Variants in KCNH8 observed in about 807,000 individuals in gnomAD.
The protein encoded by KCNH8 is voltage-gated delayed rectifier potassium channel KCNH8.
A neutral mutation model predicts 103.6 loss-of-function variants in KCNH8; 70 were observed. The observed-to-expected ratio is 0.68, with a 90% CI of 0.56 to 0.82. KCNH8 has a LOEUF of 0.82. Among genes scored for constraint, KCNH8 ranks in the 40% least tolerant of loss-of-function variants. The pLI is 0.00. For missense variants in KCNH8, 1,217 were observed against 1,329.9 expected (o/e 0.92, Z 1.32); for synonymous variants, 498 against 489.4 (o/e 1.02, Z -0.23).
chr3:19,361,304 C>T (rs1178827951), intron 5 of KCNH8, among the ~76,000 whole-genome samples: 1 of 152,080 alleles, frequency 6.6e-6, no homozygotes, highest in Non-Finnish European at 1.5e-5. Flanking sequence ...GGAGATCCCA[C>T]ATTTTTCTGC....
At chr3:19,259,975 G>A (rs76425966) in intron 2 of KCNH8, among the ~76,000 whole-genome samples, 42 of 151,836 alleles carry the variant, frequency 2.8e-4, no homozygotes, top group African/African-American at 1.0e-3. Flanking sequence ...AGGGAGGGCT[G>A]AAGAGGCTTC....
intron 11 of KCNH8, among the ~76,000 whole-genome samples, chr3:19,497,498 C>T (rs1015100044): frequency 2.6e-5 from 4 of 151,764 alleles, no homozygotes; most frequent in East Asian, 1.9e-4. Flanking sequence ...AGTTTATTTA[C>T]GTAAAACTCA....
At chr3:19,435,857 CAA>C (rs1310383686) in intron 7 of KCNH8, among the ~76,000 whole-genome samples, 1 of 152,086 alleles carries the variant, frequency 6.6e-6, no homozygotes, top group African/African-American at 2.4e-5. Context: ...TAACATAAAT[CAA>C]AGTTTTTAGG....
intron 8 of KCNH8, among the ~76,000 whole-genome samples, chr3:19,440,106 T>C (rs1575069150): frequency 6.6e-6 from 1 of 152,164 alleles, no homozygotes; most frequent in East Asian, 1.9e-4. Context: ...AACCAACATA[T>C]GTATATTGCT....
In KCNH8 at chr3:19,243,748, T is replaced by A. The variant is rs553880510; in HGVS notation, c.77-9906T>A. 2.6e-5 allele frequency among the ~76,000 whole-genome samples: 4 copies of A among 152,216 alleles called. No homozygotes were observed. In the South Asian group the frequency reaches 8.3e-4, roughly 32 times the overall value. On this transcript the variant is annotated intron_variant, in intron 1 of 15. Coordinates refer to ENST00000328405, the MANE Select transcript of KCNH8 (RefSeq NM_144633.3). ...GACTAAAACATGACTGAATTAACCA[T>A]TTTTTTCCTCAAATCTTCATGTATG...
At chr3:19,320,551 G>A (rs9836707) in intron 3 of KCNH8, among the ~76,000 whole-genome samples, 37,269 of 151,692 alleles carry the variant, frequency 0.25, 4,993 homozygotes, top group African/African-American at 0.32. Context: ...GTGGATTATC[G>A]TTTTGATATG....
At chr3:19,381,356 G>A (rs908370027) in intron 5 of KCNH8, among the ~76,000 whole-genome samples, 1 of 152,138 alleles carries the variant, frequency 6.6e-6, no homozygotes, top group African/African-American at 2.4e-5. Flanking sequence ...TGTAAATCTT[G>A]ACTCTTGCAT....
At chr3:19,150,145 T>G (rs2063114400) in intron 1 of KCNH8, among the ~76,000 whole-genome samples, 1 of 152,218 alleles carries the variant, frequency 6.6e-6, no homozygotes, top group Non-Finnish European at 1.5e-5. Flanking sequence ...TTAGATGTTA[T>G]GTATGAGGTG....
intron 10 of KCNH8, among the ~76,000 whole-genome samples, chr3:19,452,534 G>A (rs2067464873): frequency 6.6e-6 from 1 of 152,182 alleles, no homozygotes; most frequent in Non-Finnish European, 1.5e-5. Context: ...AAACTGAAGT[G>A]GAAGATATAA....
At chr3:19,525,496 G>A (rs1428897150) in intron 15 of KCNH8, among the ~76,000 whole-genome samples, 1 of 151,846 alleles carries the variant, frequency 6.6e-6, no homozygotes, top group African/African-American at 2.4e-5. Flanking sequence ...TAGCCAGACA[G>A]CAATTTGAAT....
chr3:19,351,156 G>A (rs1297946764), intron 5 of KCNH8, among the ~76,000 whole-genome samples: 1 of 152,018 alleles, frequency 6.6e-6, no homozygotes, highest in African/African-American at 2.4e-5. Flanking sequence ...TCAGATGAAT[G>A]AAATGAAGCA....
intron 3 of KCNH8, among the ~76,000 whole-genome samples, chr3:19,317,777 CT>C (rs1474183452): frequency 6.6e-6 from 1 of 151,742 alleles, no homozygotes; most frequent in African/African-American, 2.4e-5. Flanking sequence ...GTTCAACATC[CT>C]TTCATGTTAA....
At chr3:19,225,991 C>A (rs997977068) in intron 1 of KCNH8, among the ~76,000 whole-genome samples, 7 of 152,136 alleles carry the variant, frequency 4.6e-5, no homozygotes, top group African/African-American at 1.7e-4. Flanking sequence ...ATTAGCAATG[C>A]ACATTGTTAG....
At chr3:19,483,082 A>T (rs1182051877) in intron 11 of KCNH8, among the ~76,000 whole-genome samples, 3 of 151,842 alleles carry the variant, frequency 2.0e-5, no homozygotes, top group Non-Finnish European at 4.4e-5. Flanking sequence ...TTTTGTGGGA[A>T]GCATAGACAG....
chr3:19,339,021 T>G lies in KCNH8; in HGVS notation c.443-3566T>G, dbSNP rs148908977. On this transcript the variant is annotated intron_variant, in intron 3 of 15. Transcript: ENST00000328405. Reference sequence around the variant, plus strand: ...GATGTGTTTGTGGTTTATGTAGATATGCAGATTAGAAATATTGCTGTCAGG... The same window carrying G: ...GATGTGTTTGTGGTTTATGTAGATAGGCAGATTAGAAATATTGCTGTCAGG... 4.5e-3 allele frequency among the ~76,000 whole-genome samples: 686 copies of G among 152,232 alleles called. 6 individuals carry two copies. The highest frequency in any genetic ancestry group is 0.016 in the African/African-American group (658 of 41,572).
chr3:19,288,227 T>A (rs960509245), intron 3 of KCNH8, among the ~76,000 whole-genome samples: 1 of 145,384 alleles, frequency 6.9e-6, no homozygotes, highest in Non-Finnish European at 1.5e-5. Flanking sequence ...TAAAGCTAGT[T>A]TATTTATTTT....
At chr3:19,307,437 G>C (rs995451793) in intron 3 of KCNH8, among the ~76,000 whole-genome samples, 1 of 151,924 alleles carries the variant, frequency 6.6e-6, no homozygotes, top group African/African-American at 2.4e-5. Context: ...ATACACTGTT[G>C]AGGGGAATGT....
At chr3:19,371,418 G>C (rs376995879) in intron 5 of KCNH8, among the ~76,000 whole-genome samples, 1 of 151,112 alleles carries the variant, frequency 6.6e-6, no homozygotes, top group African/African-American at 2.4e-5. Flanking sequence ...CTTTTGAGAA[G>C]TGTCTGTTCA....
chr3:19,460,485 C>T (rs769671921), intron 11 of KCNH8, among the ~76,000 whole-genome samples: 1 of 152,140 alleles, frequency 6.6e-6, no homozygotes, highest in Non-Finnish European at 1.5e-5. Flanking sequence ...TTCCTCAAAT[C>T]CCTTATGCTT....
Sources: allele counts gnomAD v4.1 joint callset (sites outside exome capture counted in the v4.1 genomes callset), GRCh38; gene constraint gnomAD v4.1.1; transcripts MANE v1.5; gene names NCBI Gene and HGNC (gene_info 2026-07-23, HGNC 2026-07-21).